SLC25A26: variants seen among roughly 807,000 people sequenced by gnomAD.
The protein encoded by SLC25A26 is solute carrier family 25 member 26.
A neutral mutation model predicts 37.8 loss-of-function variants in SLC25A26; 36 were observed. That is an observed-to-expected ratio of 0.95 (90% CI 0.73 to 1.26). SLC25A26 has a LOEUF of 1.26. Ranked by LOEUF, SLC25A26 falls within the 50% of genes most tolerant of loss-of-function variation. The pLI is 0.00. For missense variants in SLC25A26, 390 were observed against 331.1 expected (o/e 1.18, Z -1.38); for synonymous variants, 129 against 122.5 (o/e 1.05, Z -0.35).
chr3:66,158,163 T>C lies in SLC25A26; in HGVS notation c.-354+24179T>C, dbSNP rs931994350. On this transcript the variant is annotated intron_variant, in intron 1 of 10. Transcript: ENST00000676754. ...GGCATCAGAAAGTAGGTGGGAAGTA[T>C]TTGAGAGTACGGCAGCCTTTTTGAG... is the stretch of plus-strand genomic sequence containing the variant. Among the ~76,000 whole-genome samples, 7 of 152,330 alleles carry C rather than the reference T, an allele frequency of 4.6e-5. No homozygotes were observed. The East Asian group carries it at 7.7e-4, about 17-fold the overall frequency.
At chr3:66,197,609 G>T (rs1459089513) in intron 1 of SLC25A26, among the ~76,000 whole-genome samples, 1 of 152,084 alleles carries the variant, frequency 6.6e-6, no homozygotes, top group Non-Finnish European at 1.5e-5. Context: ...TAGGATGAGT[G>T]GTAATGTCAA....
At chr3:66,292,850 A>G (rs577887497) in intron 5 of SLC25A26, among the ~76,000 whole-genome samples, 2 of 152,270 alleles carry the variant, frequency 1.3e-5, no homozygotes, top group South Asian at 4.1e-4. Flanking sequence ...AGGTTGGGGA[A>G]GTTCTCCTGG....
chr3:66,317,271 C>G (rs1429756235), intron 5 of SLC25A26, among the ~76,000 whole-genome samples: 1 of 152,154 alleles, frequency 6.6e-6, no homozygotes, highest in Non-Finnish European at 1.5e-5. Context: ...AGGCTGCTGA[C>G]CTTTGGATGG....
chr3:66,290,224 T>C (rs1694018205), intron 5 of SLC25A26, among the ~76,000 whole-genome samples: 1 of 151,878 alleles, frequency 6.6e-6, no homozygotes, highest in African/African-American at 2.4e-5. Flanking sequence ...GCAGAGTCGA[T>C]GGGGTTTTCC....
At chr3:66,306,477 G>T (rs1047955033) in intron 5 of SLC25A26, among the ~76,000 whole-genome samples, 6 of 151,706 alleles carry the variant, frequency 4.0e-5, no homozygotes, top group Admixed American at 2.0e-4. Context: ...TCTTTTTCTT[G>T]TCTCTCTCTT....
chr3:66,158,510 A>C (rs2070314377), intron 1 of SLC25A26, among the ~76,000 whole-genome samples: 1 of 152,138 alleles, frequency 6.6e-6, no homozygotes, highest in Non-Finnish European at 1.5e-5. Context: ...TCTATGTTGA[A>C]TATTTTGAGA....
intron 4 of SLC25A26, among the ~76,000 whole-genome samples, chr3:66,262,900 A>G (rs906872070): frequency 1.3e-5 from 2 of 152,220 alleles, no homozygotes; most frequent in African/African-American, 4.8e-5. Context: ...GAGGCTATAA[A>G]TATAATTGTT....
intron 5 of SLC25A26, among the ~76,000 whole-genome samples, chr3:66,323,416 A>T (rs1246722442): frequency 1.3e-5 from 2 of 152,242 alleles, no homozygotes; most frequent in Non-Finnish European, 2.9e-5. Flanking sequence ...GAGCCAATTT[A>T]TCAAGACAAG....
intron 5 of SLC25A26, among the ~76,000 whole-genome samples, chr3:66,265,585 A>G (rs1255458096): frequency 1.3e-5 from 2 of 152,236 alleles, no homozygotes; most frequent in Admixed American, 1.3e-4. Flanking sequence ...ACTGAAATTC[A>G]TTGAAATCCC....
chr3:66,277,693 G>C (rs2074204094), intron 5 of SLC25A26, among the ~76,000 whole-genome samples: 1 of 152,042 alleles, frequency 6.6e-6, no homozygotes, highest in Non-Finnish European at 1.5e-5. Flanking sequence ...TTACAAAGGG[G>C]AAAATAGTAA....
At chr3:66,331,382 G>A (rs2075969991) in intron 5 of SLC25A26, among the ~76,000 whole-genome samples, 1 of 152,046 alleles carries the variant, frequency 6.6e-6, no homozygotes, top group African/African-American at 2.4e-5. Context: ...TTTTCATAAA[G>A]CATGGCTTTT....
At chr3:66,216,927 T>G (rs1035812058), upstream of SLC25A26, among the ~76,000 whole-genome samples, 555 of 152,310 alleles carry the variant, frequency 3.6e-3, 2 homozygotes, top group East Asian at 0.017. Context: ...AATGAGTCTT[T>G]CTGCTAGCAT....
chr3:66,265,297 C>T (rs1478586249), intron 5 of SLC25A26, among the ~76,000 whole-genome samples: 2 of 151,568 alleles, frequency 1.3e-5, no homozygotes, highest in Non-Finnish European at 2.9e-5. Flanking sequence ...ACAGAGAGAC[C>T]CTGTCTCAAA....
chr3:66,198,697 C>T (rs1026514147), intron 1 of SLC25A26, among the ~76,000 whole-genome samples: 7 of 150,794 alleles, frequency 4.6e-5, no homozygotes, highest in East Asian at 2.0e-4. Context: ...ACACTGAATC[C>T]GACCCGCATC....
At chr3:66,339,204 C>T (rs925576628) in intron 5 of SLC25A26, among the ~76,000 whole-genome samples, 2 of 152,016 alleles carry the variant, frequency 1.3e-5, no homozygotes, top group Non-Finnish European at 2.9e-5. Flanking sequence ...GAATCAGGTG[C>T]TTATGTTACT....
intron 1 of SLC25A26, among the ~76,000 whole-genome samples, chr3:66,187,543 C>T (rs1263245992): frequency 6.6e-6 from 1 of 152,082 alleles, no homozygotes; most frequent in Non-Finnish European, 1.5e-5. Context: ...ATCACCCTGA[C>T]TCTACCCTTA....
upstream of SLC25A26, among the ~76,000 whole-genome samples, chr3:66,217,028 T>C (rs1490897377): frequency 6.6e-6 from 1 of 152,216 alleles, no homozygotes; most frequent in Non-Finnish European, 1.5e-5. Flanking sequence ...GTAAAGCCTT[T>C]ACCTTGCATA....
At chr3:66,202,918 C>G (rs1014059465) in intron 1 of SLC25A26, among the ~76,000 whole-genome samples, 1 of 152,036 alleles carries the variant, frequency 6.6e-6, no homozygotes, top group African/African-American at 2.4e-5. Context: ...TGTTCAAGAC[C>G]AAATTTAAAA....
intron 7 of SLC25A26, among the ~76,000 whole-genome samples, chr3:66,369,247 C>A (rs888572213): frequency 6.6e-6 from 1 of 152,078 alleles, no homozygotes; most frequent in African/African-American, 2.4e-5. Context: ...AATTGTGGAG[C>A]CTTGTATTTT....
Sources: gnomAD v4.1 joint callset for allele counts (sites outside exome capture counted in the v4.1 genomes callset) on GRCh38, gnomAD v4.1.1 for gene constraint, MANE v1.5 for transcripts, NCBI Gene and HGNC (gene_info 2026-07-23, HGNC 2026-07-21) for gene names.